RASAL2: variants seen among roughly 807,000 people sequenced by gnomAD.
RASAL2 encodes RAS protein activator like 2, also known as ras GTPase-activating protein nGAP.
In RASAL2, 58 loss-of-function variants were observed where a neutral mutation model predicts 128.9. The observed-to-expected ratio is 0.45, with a 90% CI of 0.36 to 0.56. RASAL2 has a LOEUF of 0.56. Among genes scored for constraint, RASAL2 ranks in the 20% least tolerant of loss-of-function variants. The pLI, the probability that RASAL2 is intolerant of heterozygous loss-of-function variation, is 0.00. For missense variants in RASAL2, 1,360 were observed against 1,601.6 expected (o/e 0.85, Z 2.57); for synonymous variants, 561 against 580.8 (o/e 0.97, Z 0.49).
chr1:178,319,068 G>T (rs1002534970), intron 3 of RASAL2, among the ~76,000 whole-genome samples: 3 of 152,068 alleles, frequency 2.0e-5, no homozygotes, highest in African/African-American at 7.3e-5. Context: ...AGTTTGGCTG[G>T]ATATGAAATT....
At chr1:178,233,774 T>C (rs1198081770) in intron 1 of RASAL2, among the ~76,000 whole-genome samples, 1 of 152,202 alleles carries the variant, frequency 6.6e-6, no homozygotes, top group Non-Finnish European at 1.5e-5. Context: ...CAGTGGAGTC[T>C]GAGCAGCAGG....
chr1:178,152,968 C>G (rs1184538483), intron 1 of RASAL2, among the ~76,000 whole-genome samples: 1 of 152,102 alleles, frequency 6.6e-6, no homozygotes, highest in Non-Finnish European at 1.5e-5. Context: ...TAAAAATAAT[C>G]TAATATCCAA....
rs1165297313 is a variant in RASAL2, at chr1:178,443,045, G to A, written c.1298G>A (p.Arg433Gln). The A allele has an allele frequency of 2.5e-6, 4 of 1,614,006 alleles. No homozygotes were observed. Among genetic ancestry groups the A allele is most frequent in the African/African-American group, 1.3e-5 (1 of 75,022 alleles). ...GGAAAGACAGGAGGACCTTCTATTC[G>A]GATTAAATCACGTTTCCAAACTATC... Reference protein sequence around the residue: ...NKGKTGGPSIRIKSRFQTITI... With the variant: ...NKGKTGGPSIQIKSRFQTITI... Residue 433 changes from arginine (R) to glutamine (Q), a missense_variant, in exon 8 of 18, where the codon CGG (arginine) becomes CAG (glutamine). Arg to Gln is a conservative substitution (Grantham distance 43). Around this residue, in one of 3 missense-constraint regions of RASAL2, gnomAD observed 617 missense variants for 714.2 expected, o/e 0.86. Coordinates refer to ENST00000367649, the MANE Select transcript of RASAL2 (RefSeq NM_170692.4).
chr1:178,408,316 A>C (rs1001585954), intron 4 of RASAL2, among the ~76,000 whole-genome samples: 2 of 152,170 alleles, frequency 1.3e-5, no homozygotes, highest in Non-Finnish European at 2.9e-5. Context: ...CTGGAACATC[A>C]TTCACACTCT....
At chr1:178,106,055 C>A (rs989504184) in intron 1 of RASAL2, among the ~76,000 whole-genome samples, 1 of 152,152 alleles carries the variant, frequency 6.6e-6, no homozygotes, top group Non-Finnish European at 1.5e-5. Flanking sequence ...AACATGAAAT[C>A]GCTGTAGATG....
At chr1:178,208,900 G>A (rs147160716) in intron 1 of RASAL2, among the ~76,000 whole-genome samples, 2,495 of 151,992 alleles carry the variant, frequency 0.016, 67 homozygotes, top group African/African-American at 0.056. Context: ...TTTCTCAGCC[G>A]GCCAACACTT....
rs564071894 is a variant in RASAL2 at position 178,094,568 on chromosome 1, G to A, written c.76G>A (p.Asp26Asn). 5 of 1,600,782 alleles carry A rather than the reference G, an allele frequency of 3.1e-6. No individual in the cohort carries two copies. In the African/African-American group the frequency reaches 5.4e-5, roughly 17 times the overall value. The stretch of plus-strand genomic sequence containing the variant: ...GGAGATGTTCCCGGCGCTGGAGTCC[G>A]ACTCGCCGCTGCCCCCGGAGGACCT... The part of the protein sequence containing the change: ...WPEMFPALES[D>N]SPLPPEDLDA... Residue 26 changes from aspartate (D) to asparagine (N), a missense_variant, in exon 1 of 18, where the codon GAC becomes AAC. By Grantham distance (23) the Asp-to-Asn change is conservative. This residue lies in a region of RASAL2 where 617 missense variants were observed against 714.2 expected (regional missense o/e 0.86). Coordinates refer to ENST00000367649, the MANE Select transcript of RASAL2 (RefSeq NM_170692.4).
intron 3 of RASAL2, among the ~76,000 whole-genome samples, chr1:178,326,935 T>G (rs1299164919): frequency 1.3e-5 from 2 of 152,252 alleles, no homozygotes; most frequent in Non-Finnish European, 2.9e-5. Context: ...TAAGTGATGA[T>G]TCGTTCTTTC....
chr1:178,123,303 G>A (rs778547183), intron 1 of RASAL2: 6 of 152,210 alleles, frequency 3.9e-5, no homozygotes, highest in Non-Finnish European at 2.9e-5. Context: ...GAGAGAGAAC[G>A]AGGGTATCTG....
intron 2 of RASAL2, among the ~76,000 whole-genome samples, chr1:178,285,960 A>G (rs1392852381): frequency 2.6e-5 from 4 of 152,198 alleles, no homozygotes; most frequent in African/African-American, 7.2e-5. Flanking sequence ...ATAACTGTCC[A>G]TGATAAATAA....
At chr1:178,289,437 A>G (rs1195115118) in intron 2 of RASAL2, among the ~76,000 whole-genome samples, 2 of 151,986 alleles carry the variant, frequency 1.3e-5, no homozygotes, top group Non-Finnish European at 2.9e-5. Context: ...AATGTCCTCT[A>G]ATGCTGATGA....
In RASAL2 at chr1:178,464,314, G is replaced by T. The variant is rs1243003679; in HGVS notation, c.3289G>T (p.Val1097Leu). The change falls in exon 15 of 18, where the codon GTA (valine) becomes TTA (leucine). Residue 1097 changes from valine to leucine, a missense_variant. This residue lies in a region of RASAL2 where 741 missense variants were observed against 868.6 expected (regional missense o/e 0.85). Coordinates refer to ENST00000367649, the MANE Select transcript of RASAL2 (RefSeq NM_170692.4). The stretch of plus-strand genomic sequence containing the variant: ...TGTGGACTCTGCCACAATGTCCCCA[G>T]TAGAGAGGACAGCAGCCTGGGTTCT... Reference protein sequence around the residue: ...SPVDSATMSPVERTAAWVLNN... With the variant: ...SPVDSATMSPLERTAAWVLNN... 22 of 1,613,642 alleles carry T rather than the reference G, an allele frequency of 1.4e-5. No individual in the cohort carries two copies. Among genetic ancestry groups the T allele is most frequent in the Non-Finnish European group, 1.9e-5 (22 of 1,179,770 alleles).
intron 3 of RASAL2, among the ~76,000 whole-genome samples, chr1:178,335,958 T>G (rs892864610): frequency 1.3e-5 from 2 of 151,608 alleles, no homozygotes; most frequent in Non-Finnish European, 2.9e-5. Flanking sequence ...AAAGATAAAT[T>G]TGGAGTAGTT....
intron 3 of RASAL2, among the ~76,000 whole-genome samples, chr1:178,377,988 T>A (rs966696058): frequency 8.8e-4 from 134 of 151,686 alleles, no homozygotes; most frequent in African/African-American, 3.1e-3. Flanking sequence ...GAAAATGGAA[T>A]TTTTTAAACC....
rs1398009972 is a variant in RASAL2, at chr1:178,167,411, TAATG to T, written c.202+72721_202+72724del. Among the ~76,000 whole-genome samples the T allele has an allele frequency of 4.6e-5, 7 of 152,256 alleles. No individual in the cohort carries two copies. In the South Asian group the frequency reaches 6.2e-4, roughly 14 times the overall value. ...TATAAAGCTGTGCTTACTTTTCAGA[TAATG>T]AATCAAAATAATAAAATTTCAGTTA... On this transcript the variant is annotated intron_variant, in intron 1 of 17. Coordinates refer to ENST00000367649, the MANE Select transcript of RASAL2 (RefSeq NM_170692.4).
At chr1:178,100,768 A>AAG (rs1425004098) in intron 1 of RASAL2, among the ~76,000 whole-genome samples, 2 of 152,204 alleles carry the variant, frequency 1.3e-5, no homozygotes, top group Non-Finnish European at 1.5e-5. Flanking sequence ...AGTAGCACAA[A>AAG]GTGATTTGAT....
intron 3 of RASAL2, among the ~76,000 whole-genome samples, chr1:178,335,399 A>G (rs1187433598): frequency 6.6e-6 from 1 of 152,156 alleles, no homozygotes; most frequent in African/African-American, 2.4e-5. Context: ...GAGGAGGAAA[A>G]TAAGTAGCCG....
chr1:178,303,291 A>G (rs1235846257), intron 3 of RASAL2, among the ~76,000 whole-genome samples: 1 of 152,152 alleles, frequency 6.6e-6, no homozygotes, highest in Non-Finnish European at 1.5e-5. Context: ...CAAGAGAGAT[A>G]ATACAATAAA....
chr1:178,406,058 A>C (rs758335921), intron 4 of RASAL2, among the ~76,000 whole-genome samples: 4 of 152,302 alleles, frequency 2.6e-5, no homozygotes, highest in Non-Finnish European at 2.9e-5. Flanking sequence ...CCCCTTAAAA[A>C]GTTGCCATGT....
Sources: allele counts gnomAD v4.1 joint callset (sites outside exome capture counted in the v4.1 genomes callset), GRCh38; gene constraint gnomAD v4.1.1; regional missense constraint gnomAD v4.1.1; transcripts MANE v1.5; gene names NCBI Gene and HGNC (gene_info 2026-07-23, HGNC 2026-07-21).